Variants in EPB41 observed in about 807,000 individuals in gnomAD.
EPB41 encodes erythrocyte membrane protein band 4.1.
EPB41 carries 65 observed loss-of-function variants against 108.0 expected under a neutral mutation model. The observed-to-expected ratio is 0.60, with a 90% confidence interval of 0.49 to 0.74. The LOEUF (loss-of-function observed/expected upper bound fraction) is 0.74. Ranked by LOEUF, EPB41 falls within the 30% of genes least tolerant of loss-of-function variation. The pLI, the probability that EPB41 is intolerant of heterozygous loss-of-function variation, is 0.00. For missense variants in EPB41, 875 were observed against 1,037.0 expected, an observed-to-expected ratio of 0.84 and a Z score of 2.15; for synonymous variants, 336 against 358.9, an observed-to-expected ratio of 0.94 and a Z score of 0.72.
chr1:28,890,785 G>T, intron 1 of EPB41: 1 of 327,216 alleles, frequency 3.1e-6, no homozygotes, highest in Non-Finnish European at 4.4e-6. Flanking sequence ...AAGTCACAAA[G>T]CTGGGAAGTG....
intron 16 of EPB41, chr1:29,071,783 G>T (rs1651592154): frequency 6.6e-6 from 1 of 152,020 alleles, no homozygotes; most frequent in East Asian, 1.9e-4. Flanking sequence ...GCTTTTTATG[G>T]CACTTGAATG....
intron 1 of EPB41, among the ~76,000 whole-genome samples, chr1:28,902,679 T>C (rs2091427303): frequency 6.6e-6 from 1 of 152,130 alleles, no homozygotes; most frequent in Non-Finnish European, 1.5e-5. Context: ...CGTCACACCT[T>C]CAGGGGAGCT....
At chr1:29,006,142 T>G (rs779471070) in intron 4 of EPB41, among the ~76,000 whole-genome samples, 1 of 152,230 alleles carries the variant, frequency 6.6e-6, no homozygotes, top group African/African-American at 2.4e-5. Flanking sequence ...CTTTGAGAAA[T>G]TGGTTTGCAT....
In EPB41 at chr1:28,887,822, A is replaced by G; in HGVS notation, c.-8+612A>G. 3.1e-6 allele frequency: 1 copy of G among 318,230 alleles called. No individual in the cohort carries two copies. Among genetic ancestry groups the G allele is most frequent in the South Asian group, 1.2e-4 (1 of 8,092 alleles). The allele number at this position is 318,230 out of a possible 1,614,324, so 19.7% of individuals were successfully genotyped here. ...ACACCCTCCCTGCCAGGCTTGGTCT[A>G]GGGGACTTCCCTCTGTCTGGGTCTC... On this transcript the variant is annotated intron_variant, in intron 1 of 16. Transcript: ENST00000347529. This position sits in a 1 kb window ranked among gnomAD's most constrained non-coding sequence, Gnocchi z 4.9.
At chr1:28,994,329 G>A (rs573086697) in intron 3 of EPB41, among the ~76,000 whole-genome samples, 3 of 151,058 alleles carry the variant, frequency 2.0e-5, no homozygotes, top group South Asian at 2.1e-4. Context: ...CCGCCACCAC[G>A]CCTGGCTAGT....
intron 6 of EPB41, among the ~76,000 whole-genome samples, chr1:29,016,278 C>T (rs1297645774): frequency 6.6e-6 from 1 of 151,894 alleles, no homozygotes; most frequent in Non-Finnish European, 1.5e-5. Context: ...TGGGTTCGAG[C>T]GATTCTTTTG....
At chr1:29,111,179 A>AT (rs967006614) in intron 18 of EPB41, among the ~76,000 whole-genome samples, 9 of 151,978 alleles carry the variant, frequency 5.9e-5, no homozygotes, top group Non-Finnish European at 1.0e-4. Context: ...AAAAAAAAAA[A>AT]GAAAAAGAAA....
At chr1:28,938,149 GTCTTA>G (rs1156855272) in intron 1 of EPB41, among the ~76,000 whole-genome samples, 1 of 152,142 alleles carries the variant, frequency 6.6e-6, no homozygotes, top group African/African-American at 2.4e-5. Flanking sequence ...TCTAACTGTG[GTCTTA>G]TTTTTCAACA....
intron 4 of EPB41, among the ~76,000 whole-genome samples, chr1:29,009,159 T>G: frequency 6.8e-6 from 1 of 147,292 alleles, no homozygotes; most frequent in East Asian, 2.1e-4. Flanking sequence ...TTTTTTTTTT[T>G]GTAACCACAG....
chr1:28,892,111 A>AAAAAAAAAAAAT, intron 1 of EPB41, among the ~76,000 whole-genome samples: 1 of 151,352 alleles, frequency 6.6e-6, no homozygotes, highest in Non-Finnish European at 1.5e-5. Flanking sequence ...AAAAAAAAAA[A>AAAAAAAAAAAAT]AAAAGAATAA....
intron 17 of EPB41, among the ~76,000 whole-genome samples, chr1:29,100,481 T>TA (rs1165152185): frequency 6.9e-6 from 1 of 144,750 alleles, no homozygotes; most frequent in African/African-American, 2.5e-5. Flanking sequence ...AATAAATAAA[T>TA]AAATAAAATA....
At chr1:29,007,099 A>AT (rs199775551) in intron 4 of EPB41, among the ~76,000 whole-genome samples, 18,765 of 147,790 alleles carry the variant, frequency 0.13, 1,578 homozygotes, top group African/African-American at 0.25. Flanking sequence ...TTACTGTATA[A>AT]TTTTTTTTTT....
intron 1 of EPB41, among the ~76,000 whole-genome samples, chr1:28,889,464 C>A (rs1177023053): frequency 6.6e-6 from 1 of 152,234 alleles, no homozygotes; most frequent in Non-Finnish European, 1.5e-5. Context: ...CAGGTGCCAA[C>A]AGAAGCTCCC....
chr1:29,068,637 A>T, intron 16 of EPB41: 1 of 709,034 alleles, frequency 1.4e-6, no homozygotes, highest in Non-Finnish European at 2.0e-6. Flanking sequence ...CAATTGGGAT[A>T]CTATTTCCAT....
intron 4 of EPB41, among the ~76,000 whole-genome samples, chr1:29,005,079 A>G (rs1229665440): frequency 6.6e-6 from 1 of 152,154 alleles, no homozygotes; most frequent in African/African-American, 2.4e-5. Flanking sequence ...ACTGCTATAA[A>G]GAAATATCTA....
chr1:29,020,429 TAGAA>T (rs1212769555), intron 7 of EPB41, among the ~76,000 whole-genome samples: 12 of 152,128 alleles, frequency 7.9e-5, no homozygotes, highest in Non-Finnish European at 1.5e-5. Context: ...CATATATACA[TAGAA>T]AAGCAAGTAC....
At chr1:28,951,317 T>TAA (rs1047579581) in intron 1 of EPB41, among the ~76,000 whole-genome samples, 38 of 141,394 alleles carry the variant, frequency 2.7e-4, no homozygotes, top group African/African-American at 9.6e-4. Context: ...AAGACCCCAT[T>TAA]AAAAAAAAAA....
chr1:28,962,217 T>C lies in EPB41; in HGVS notation c.-7-25214T>C, dbSNP rs557580849. ...CTGGGATTACAGGGGCCCGCCATCATGCCCGGCTAATTTTTGTACTTTTAG... is the reference window on the plus strand; with the variant it reads ...CTGGGATTACAGGGGCCCGCCATCACGCCCGGCTAATTTTTGTACTTTTAG... On this transcript the variant is annotated intron_variant, in intron 1 of 20. Coordinates refer to ENST00000343067, the MANE Select transcript of EPB41 (RefSeq NM_001376013.1). 6.2e-4 allele frequency among the ~76,000 whole-genome samples: 94 copies of C among 152,140 alleles called. 2 individuals carry two copies. The South Asian group carries it at 9.5e-3, about 15-fold the overall frequency.
Position 28,887,783 on chromosome 1 carries a change from G to A in EPB41, c.-8+573G>A. ...GCCCGCCAGGGTGGCCCCCCCGGCC[G>A]TCGCGCCAGCCCCACACCCTCCCTG... On this transcript the variant is annotated intron_variant, in intron 1 of 16. Coordinates refer to the EPB41 transcript ENST00000347529. The surrounding 1 kb of genome is among the most constrained non-coding windows in gnomAD (Gnocchi z 4.9). The A allele has an allele frequency of 1.5e-6, 1 of 688,368 alleles. No individual in the cohort carries two copies. Among genetic ancestry groups the A allele is most frequent in the Non-Finnish European group, 1.8e-6 (1 of 558,394 alleles). The allele number at this position is 688,368 out of a possible 1,614,324, so 42.6% of individuals were successfully genotyped here. A position where few individuals can be genotyped will look rare whatever the true frequency, so the allele number is the denominator to read the frequency against.
Sources: allele counts gnomAD v4.1 joint callset (sites outside exome capture counted in the v4.1 genomes callset), GRCh38; gene constraint gnomAD v4.1.1; non-coding constraint Gnocchi (gnomAD v3.1); transcripts MANE v1.5; gene names NCBI Gene and HGNC (gene_info 2026-07-23, HGNC 2026-07-21).